CACNG2: variants seen among roughly 807,000 people sequenced by gnomAD.
CACNG2 encodes the protein voltage-dependent calcium channel gamma-2 subunit.
CACNG2 carries 3 observed loss-of-function variants against 25.9 expected under a neutral mutation model. That is an observed-to-expected ratio of 0.12 (90% CI 0.05 to 0.30). CACNG2 has a LOEUF of 0.30. CACNG2 is among the 10% of genes least tolerant of loss of function. The pLI is 1.00. For synonymous variants in CACNG2, 167 were observed against 173.3 expected, an observed-to-expected ratio of 0.96 and a Z score of 0.29; for missense variants, 341 against 432.5, an observed-to-expected ratio of 0.79 and a Z score of 1.88.
chr22:36,663,906 A>C (rs1371894680), intron 1 of CACNG2, among the ~76,000 whole-genome samples: 1 of 152,184 alleles, frequency 6.6e-6, no homozygotes, highest in Non-Finnish European at 1.5e-5. Flanking sequence ...AGAGGCTCGG[A>C]AGGAACCAGG....
chr22:36,681,506 G>C (rs537753580), intron 1 of CACNG2, among the ~76,000 whole-genome samples: 3 of 152,006 alleles, frequency 2.0e-5, no homozygotes, highest in Non-Finnish European at 4.4e-5. Context: ...AATTAAATTT[G>C]AGCATCAGCC....
At chr22:36,616,449 T>C (rs552516257) in intron 1 of CACNG2, among the ~76,000 whole-genome samples, 1 of 152,344 alleles carries the variant, frequency 6.6e-6, no homozygotes, top group African/African-American at 2.4e-5. Context: ...TCTAGCGCCT[T>C]ACGATTCACC....
At chr22:36,687,029 C>G (rs989152768) in intron 1 of CACNG2, among the ~76,000 whole-genome samples, 4 of 152,216 alleles carry the variant, frequency 2.6e-5, no homozygotes, top group South Asian at 2.1e-4. Context: ...TTCTAGGAAG[C>G]CTTCTCAGGA....
chr22:36,621,569 C>CA (rs386395348), intron 1 of CACNG2, among the ~76,000 whole-genome samples: 4,854 of 118,758 alleles, frequency 0.041, 217 homozygotes, highest in Admixed American at 0.12. Flanking sequence ...GATTTTGCCT[C>CA]AAAAAAAAAA....
At chr22:36,653,910 G>A (rs1936661413) in intron 1 of CACNG2, among the ~76,000 whole-genome samples, 1 of 129,788 alleles carries the variant, frequency 7.7e-6, no homozygotes, top group East Asian at 2.1e-4. Context: ...AAACATGACA[G>A]ACGTTAGATT....
At chr22:36,594,812 G>A (rs1180754564) in intron 1 of CACNG2, among the ~76,000 whole-genome samples, 1 of 147,412 alleles carries the variant, frequency 6.8e-6, no homozygotes. Context: ...GCATGGATGT[G>A]TGTCTGTGTG....
chr22:36,656,673 C>A (rs936862142), intron 1 of CACNG2, among the ~76,000 whole-genome samples: 4 of 152,226 alleles, frequency 2.6e-5, no homozygotes, highest in African/African-American at 9.6e-5. Context: ...CGTCCCTGAC[C>A]TCACCTGCTC....
rs1426209581 is a variant in CACNG2 at position 36,702,911 on chromosome 22, C to CT, written c.-336dup. The stretch of plus-strand genomic sequence containing the variant: ...CCCCCCAAGTGAGATGCCTTAATCT[C>CT]TTTTTCTAAAATTCTGGTCTCCAGT... On this transcript the variant is annotated 5_prime_UTR_variant, in exon 1 of 4. The change abolishes the stop of an existing upstream ORF in the 5' untranslated region. Coordinates refer to ENST00000300105, the MANE Select transcript of CACNG2 (RefSeq NM_006078.5). The CT allele has an allele frequency of 4.7e-6, 1 of 213,626 alleles. No individual in the cohort carries two copies. Among genetic ancestry groups the CT allele is most frequent in the Non-Finnish European group, 9.0e-6 (1 of 111,154 alleles). 13.2% of individuals were successfully genotyped at this position (213,626 alleles called of 1,614,324 possible).
At chr22:36,627,562 T>C (rs1936202900) in intron 1 of CACNG2, among the ~76,000 whole-genome samples, 1 of 152,094 alleles carries the variant, frequency 6.6e-6, no homozygotes, top group Admixed American at 6.6e-5. Context: ...CAGGCTTAGC[T>C]GCCTTAAACT....
intron 2 of CACNG2, among the ~76,000 whole-genome samples, chr22:36,578,030 C>T (rs937290452): frequency 9.2e-5 from 14 of 151,474 alleles, no homozygotes; most frequent in African/African-American, 3.4e-4. Flanking sequence ...GTTTTTCCCT[C>T]ATCTGTAAAA....
chr22:36,643,976 G>A (rs1346247355), intron 1 of CACNG2, among the ~76,000 whole-genome samples: 1 of 152,104 alleles, frequency 6.6e-6, no homozygotes, highest in East Asian at 1.9e-4. Context: ...TAAACTCAGA[G>A]CTCTGTTCTA....
chr22:36,650,525 C>T (rs1236501239), intron 1 of CACNG2, among the ~76,000 whole-genome samples: 4 of 151,966 alleles, frequency 2.6e-5, no homozygotes, highest in Non-Finnish European at 5.9e-5. Context: ...AAGCATGTGC[C>T]ACCACACCCA....
chr22:36,591,222 T>C (rs1040296775), intron 1 of CACNG2, among the ~76,000 whole-genome samples: 20 of 152,070 alleles, frequency 1.3e-4, no homozygotes, highest in African/African-American at 4.6e-4. Flanking sequence ...TTTGTATTAT[T>C]TGTAGAGACG....
intron 1 of CACNG2, among the ~76,000 whole-genome samples, chr22:36,642,032 G>A (rs1445352130): frequency 6.6e-6 from 1 of 152,146 alleles, no homozygotes; most frequent in African/African-American, 2.4e-5. Context: ...TGGAATTGCT[G>A]TTTATATGAT....
intron 1 of CACNG2, among the ~76,000 whole-genome samples, chr22:36,656,843 C>G (rs1265341895): frequency 6.6e-6 from 1 of 152,194 alleles, no homozygotes; most frequent in African/African-American, 2.4e-5. Flanking sequence ...AAAATGGCGG[C>G]GTTCCTGGCC....
chr22:36,602,621 G>T (rs1400442177), intron 1 of CACNG2, among the ~76,000 whole-genome samples: 4 of 152,140 alleles, frequency 2.6e-5, no homozygotes, highest in African/African-American at 7.2e-5. Flanking sequence ...CCTGACCTCA[G>T]GTGATCCGCC....
rs1261049534 is a variant in CACNG2 at position 36,703,752 on chromosome 22, T to G, written c.-1176A>C. 4.1e-5 allele frequency among the ~76,000 whole-genome samples: 6 copies of G among 146,580 alleles called. No homozygotes were observed. Among genetic ancestry groups the G allele is most frequent in the African/African-American group, 1.6e-4 (6 of 38,568 alleles). ...GCTTAGAGGAAGGCGTAGCTAGAGA[T>G]AGCTCGCGCTCTCTCTCTCTCTCTC... On this transcript the variant is annotated 5_prime_UTR_variant, in exon 1 of 4. Transcript: ENST00000300105.
At chr22:36,646,479 C>A (rs370446658) in intron 1 of CACNG2, among the ~76,000 whole-genome samples, 1 of 152,134 alleles carries the variant, frequency 6.6e-6, no homozygotes, top group Non-Finnish European at 1.5e-5. Flanking sequence ...TATAGCTGCA[C>A]AAAAATTGAT....
chr22:36,606,260 C>T lies in CACNG2; in HGVS notation c.212-18712G>A, dbSNP rs1289424475. Among the ~76,000 whole-genome samples, 2 of 152,230 alleles carry T rather than the reference C, an allele frequency of 1.3e-5. No homozygotes were observed. Among genetic ancestry groups the T allele is most frequent in the Non-Finnish European group, 2.9e-5 (2 of 68,040 alleles). ...TTAATGCAGACGACCCAGAATGAAA[C>T]CACAAGGGCAGCGAGGGCGTTGGCT... On this transcript the variant is annotated intron_variant, in intron 1 of 3. Coordinates refer to ENST00000300105, the MANE Select transcript of CACNG2 (RefSeq NM_006078.5). This position sits in a 1 kb window ranked among gnomAD's most constrained non-coding sequence, Gnocchi z 5.7.
Sources: gnomAD v4.1 joint callset for allele counts (sites outside exome capture counted in the v4.1 genomes callset) on GRCh38, gnomAD v4.1.1 for gene constraint, Gnocchi (gnomAD v3.1) non-coding constraint, MANE v1.5 for transcripts, NCBI Gene and HGNC (gene_info 2026-07-23, HGNC 2026-07-21) for gene names.